Variants in ZNF696 observed in about 807,000 individuals in gnomAD.
ZNF696 encodes zinc finger protein 696.
Under a neutral mutation model 12.3 loss-of-function variants are expected in ZNF696, and 10 were observed. The observed-to-expected ratio is 0.81, with a 90% CI of 0.50 to 1.38. The LOEUF (loss-of-function observed/expected upper bound fraction) is 1.38, where lower values mean the gene tolerates loss of function less well. ZNF696 is among the 40% of genes most tolerant of loss of function. The probability of loss-of-function intolerance (pLI) is 0.00; values close to 1 mark genes in which losing one functional copy is unlikely to be tolerated. For missense variants in ZNF696, 675 were observed against 554.7 expected (o/e 1.22, Z -2.18); for synonymous variants, 304 against 243.9 (o/e 1.25, Z -2.29).
rs911517841 is a variant in ZNF696 at position 143,298,382 on chromosome 8, C to T, written c.*1582C>T. On this transcript the variant is annotated 3_prime_UTR_variant, in exon 3 of 3. Transcript: ENST00000330143. Reference sequence around the variant, plus strand: ...GGTGGCCCCACCGTTAATTAAGCTCCTGACCCCTGGGCCGGTGGTGAGGTG... The same window carrying T: ...GGTGGCCCCACCGTTAATTAAGCTCTTGACCCCTGGGCCGGTGGTGAGGTG... 5.3e-5 allele frequency among the ~76,000 whole-genome samples: 8 copies of T among 152,146 alleles called. No individual in the cohort carries two copies. Among genetic ancestry groups the T allele is most frequent in the African/African-American group, 1.9e-4 (8 of 41,430 alleles).
rs966843327 is a variant in ZNF696, at chr8:143,297,428, TCA to T, written c.*632_*633del. On this transcript the variant is annotated 3_prime_UTR_variant, in exon 3 of 3. Coordinates refer to ENST00000330143, the MANE Select transcript of ZNF696 (RefSeq NM_030895.3). ...ACTTTGGGAGGCCGAGGCGGGCGGA[TCA>T]CACGGTCAAGAGATCAAGACCATCC... The T allele has an allele frequency of 1.3e-5, 2 of 152,162 alleles. No homozygotes were observed. The highest frequency in any genetic ancestry group is 2.9e-5 in the Non-Finnish European group (2 of 68,030). The allele number at this position is 152,162 out of a possible 1,614,324, so 9.4% of individuals were successfully genotyped here. A position where few individuals can be genotyped will look rare whatever the true frequency, so the allele number is the denominator to read the frequency against.
At position 143,296,028 on chromosome 8, in the gene ZNF696, G is replaced by T. The variant is rs1340066777; in HGVS notation, c.353G>T (p.Gly118Val). The T allele has an allele frequency of 1.9e-6, 3 of 1,594,862 alleles. No individual in the cohort carries two copies. Among genetic ancestry groups the T allele is most frequent in the Admixed American group, 1.7e-5 (1 of 58,038 alleles). Reference sequence around the variant, plus strand: ...GCAGGCCCCGGCGCAGAGGGCGGGGGCAGCTGGAAGGGGCGGCCTTTCCCG... The same window carrying T: ...GCAGGCCCCGGCGCAGAGGGCGGGGTCAGCTGGAAGGGGCGGCCTTTCCCG... ...PNAGPGAEGG[G>V]SWKGRPFPCG... The change falls in exon 3 of 3, where the codon GGC becomes GTC. Residue 118 changes from glycine to valine, a missense_variant. Transcript: ENST00000330143.
At chr8:143,293,997 T>G (rs11136282) in intron 2 of ZNF696, among the ~76,000 whole-genome samples, 2 of 151,802 alleles carry the variant, frequency 1.3e-5, no homozygotes, top group East Asian at 3.9e-4. Flanking sequence ...GAGGTGCAGC[T>G]GGGACTCAGC....
chr8:143,298,378 G>A lies in ZNF696; in HGVS notation c.*1578G>A, dbSNP rs1164624765. Among the ~76,000 whole-genome samples, 1 of 152,152 alleles carries A rather than the reference G, an allele frequency of 6.6e-6. No individual in the cohort carries two copies. Among genetic ancestry groups the A allele is most frequent in the Non-Finnish European group, 1.5e-5 (1 of 68,010 alleles). On this transcript the variant is annotated 3_prime_UTR_variant, in exon 3 of 3. Coordinates refer to ENST00000330143, the MANE Select transcript of ZNF696 (RefSeq NM_030895.3). ...ATTTGGTGGCCCCACCGTTAATTAA[G>A]CTCCTGACCCCTGGGCCGGTGGTGA...
At chr8:143,294,475 G>C (rs1028337783) in intron 2 of ZNF696, among the ~76,000 whole-genome samples, 3 of 151,940 alleles carry the variant, frequency 2.0e-5, no homozygotes, top group African/African-American at 7.2e-5. Flanking sequence ...CCACCTCCTG[G>C]ATTCAAGTGA....
In ZNF696 at chr8:143,295,970, CAG is replaced by C. The variant is rs1815702200; in HGVS notation, c.298_299del (p.Ser100TrpfsTer399). 1 of 1,581,938 alleles carries C rather than the reference CAG, an allele frequency of 6.3e-7. No homozygotes were observed. The highest frequency in any genetic ancestry group is 8.6e-7 in the Non-Finnish European group (1 of 1,163,680). The part of the protein sequence containing the change: ...GPVTSEKTGG[Q>X]SGLESDVPPN... ...GGTCACTTCTGAGAAAACTGGAGGA[CAG>C]AGTGGCCTCGAGTCAGACGTCCCTC... On this transcript the variant is annotated frameshift_variant, in exon 3 of 3. Transcript: ENST00000330143. LOFTEE classifies it low-confidence loss of function (END_TRUNC).
chr8:143,296,220 CG>C lies in ZNF696; in HGVS notation c.546del (p.Cys183AlafsTer178). ...GCGCACAGCGGGGAGAGGCCCTACG[CG>C]TGCGCCGAGTGCGGCAAGGCCTTCG... Reference protein sequence around the residue: ...QRAHSGERPYACAECGKAFGQ... With the variant: ...QRAHSGERPYXCAECGKAFGQ... On this transcript the variant is annotated frameshift_variant, in exon 3 of 3. Transcript: ENST00000330143. LOFTEE classifies it high-confidence loss of function. 1 of 1,594,420 alleles carries C rather than the reference CG, an allele frequency of 6.3e-7. No homozygotes were observed. The highest frequency in any genetic ancestry group is 1.3e-5 in the African/African-American group (1 of 74,440).
intron 2 of ZNF696, chr8:143,295,271 C>T: frequency 2.2e-6 from 1 of 449,768 alleles, no homozygotes; most frequent in Non-Finnish European, 4.4e-6. Context: ...CGTTTCTGTC[C>T]CCTCCCCTCC....
chr8:143,291,611 G>T lies in ZNF696; in HGVS notation c.-187G>T, dbSNP rs1400554332. The T allele has an allele frequency of 1.0e-6, 1 of 985,452 alleles. No individual in the cohort carries two copies. Among genetic ancestry groups the T allele is most frequent in the Non-Finnish European group, 1.2e-6 (1 of 829,940 alleles). 61.0% of individuals were successfully genotyped at this position (985,452 alleles called of 1,614,324 possible). A position where few individuals can be genotyped will look rare whatever the true frequency, so the allele number is the denominator to read the frequency against. ...CGGCGTGGGGGAGGCGGCCCTGCAG[G>T]TGCGTACCCGGGGTCCGACACGTGC... is the stretch of plus-strand genomic sequence containing the variant. On this transcript the variant is annotated 5_prime_UTR_variant, in exon 1 of 3. Coordinates refer to ENST00000330143, the MANE Select transcript of ZNF696 (RefSeq NM_030895.3).
In ZNF696 at chr8:143,296,976, G is replaced by A; in HGVS notation, c.*176G>A. ...CGCCTTGGCTTGGGAGCAATCAGGA[G>A]AGACAGGGCTCGGGGAAGGCGAGCG... On this transcript the variant is annotated 3_prime_UTR_variant, in exon 3 of 3. Transcript: ENST00000330143. The A allele has an allele frequency of 1.7e-6, 1 of 594,856 alleles. No homozygotes were observed. Among genetic ancestry groups the A allele is most frequent in the Non-Finnish European group, 2.6e-6 (1 of 383,572 alleles). The allele number at this position is 594,856 out of a possible 1,614,324, so 36.8% of individuals were successfully genotyped here. A position where few individuals can be genotyped will look rare whatever the true frequency, so the allele number is the denominator to read the frequency against.
rs2129738931 is a variant in ZNF696, at chr8:143,296,067, G to A, written c.392G>A (p.Gly131Asp). 3.1e-6 allele frequency: 5 copies of A among 1,595,504 alleles called. No homozygotes were observed. The highest frequency in any genetic ancestry group is 2.3e-5 in the East Asian group (1 of 44,256). ...KGRPFPCGAC[G>D]RSFKCSSDAA... is the part of the protein sequence containing the mutation. ...CGGCCTTTCCCGTGCGGCGCCTGTG[G>A]CCGCAGCTTCAAGTGCTCCTCGGAC... is the stretch of plus-strand genomic sequence containing the variant. Residue 131 changes from glycine to aspartate, a missense_variant, in exon 3 of 3, where the codon GGC becomes GAC. Coordinates refer to ENST00000330143, the MANE Select transcript of ZNF696 (RefSeq NM_030895.3).
rs190238851 is a variant in ZNF696 at position 143,296,949 on chromosome 8, T to C, written c.*149T>C. ...TTGCGAAAGCCTCGCCAGGCCTGCA[T>C]CCGCCTTGGCTTGGGAGCAATCAGG... On this transcript the variant is annotated 3_prime_UTR_variant, in exon 3 of 3. Transcript: ENST00000330143. 4.5e-5 allele frequency: 33 copies of C among 741,348 alleles called. No homozygotes were observed. In the African/African-American group the frequency reaches 5.6e-4, roughly 13 times the overall value. The allele number at this position is 741,348 out of a possible 1,614,324, so 45.9% of individuals were successfully genotyped here.
chr8:143,294,009 G>A (rs1012987768), intron 2 of ZNF696, among the ~76,000 whole-genome samples: 9 of 151,932 alleles, frequency 5.9e-5, no homozygotes, highest in East Asian at 1.9e-4. Flanking sequence ...GGACTCAGCC[G>A]CTTCTCCTCT....
chr8:143,296,385 A>G lies in ZNF696; in HGVS notation c.710A>G (p.Tyr237Cys). The change falls in exon 3 of 3, where the codon TAC becomes TGC. Residue 237 changes from tyrosine (Y) to cysteine (C), a missense_variant. Tyr to Cys is a radical substitution (Grantham distance 194). Coordinates refer to ENST00000330143, the MANE Select transcript of ZNF696 (RefSeq NM_030895.3). ...CGCACCCACACCGGGGAGAGGCTGTACGCGTGCGGCGAGTGCGGGAAGCGC... is the reference window on the plus strand; with the variant it reads ...CGCACCCACACCGGGGAGAGGCTGTGCGCGTGCGGCGAGTGCGGGAAGCGC... ...HRRTHTGERL[Y>C]ACGECGKRFL... is the part of the protein sequence containing the mutation. 1 of 1,595,146 alleles carries G rather than the reference A, an allele frequency of 6.3e-7. No individual in the cohort carries two copies. Among genetic ancestry groups the G allele is most frequent in the Non-Finnish European group, 8.5e-7 (1 of 1,173,634 alleles).
intron 2 of ZNF696, chr8:143,293,369 C>T (rs747768610): frequency 1.9e-6 from 1 of 524,808 alleles, no homozygotes; most frequent in Middle Eastern, 4.9e-4. Flanking sequence ...ATGGACGAGT[C>T]TTTGTTGAGG....
At chr8:143,292,216 T>C (rs1198723900) in intron 1 of ZNF696, 3 of 152,242 alleles carry the variant, frequency 2.0e-5, no homozygotes, top group Non-Finnish European at 4.4e-5. Context: ...CCTGAGCCTT[T>C]TGAAGTGCTA....
intron 1 of ZNF696, 53 bp from the exon 2 acceptor site, chr8:143,292,919 C>G: frequency 6.6e-7 from 1 of 1,505,048 alleles, no homozygotes; most frequent in Non-Finnish European, 9.0e-7. Context: ...TGCCCCTGGC[C>G]CCTGTACCTA....
Position 143,291,838 on chromosome 8 carries a change from C to A in ZNF696, c.-31+71C>A, listed in dbSNP as rs1402721241. ...TTAAATTACCTTTTTGTAAAAGCGGCGGGGTCTCGCTATGTTTCCCAGGCT... is the reference window on the plus strand; with the variant it reads ...TTAAATTACCTTTTTGTAAAAGCGGAGGGGTCTCGCTATGTTTCCCAGGCT... On this transcript the variant is annotated intron_variant, in intron 1 of 2. Coordinates refer to ENST00000330143, the MANE Select transcript of ZNF696 (RefSeq NM_030895.3). 5 of 966,444 alleles carry A rather than the reference C, an allele frequency of 5.2e-6. No individual in the cohort carries two copies. In the African/African-American group the frequency reaches 8.8e-5, roughly 17 times the overall value. 59.9% of individuals were successfully genotyped at this position (966,444 alleles called of 1,614,324 possible).
Position 143,298,368 on chromosome 8 carries a change from C to T in ZNF696, c.*1568C>T, listed in dbSNP as rs550729451. On this transcript the variant is annotated 3_prime_UTR_variant, in exon 3 of 3. Transcript: ENST00000330143. Reference sequence around the variant, plus strand: ...CTCAGAATGGATTTGGTGGCCCCACCGTTAATTAAGCTCCTGACCCCTGGG... The same window carrying T: ...CTCAGAATGGATTTGGTGGCCCCACTGTTAATTAAGCTCCTGACCCCTGGG... 2.6e-4 allele frequency among the ~76,000 whole-genome samples: 39 copies of T among 152,232 alleles called. 1 individual carries two copies. The highest frequency in any genetic ancestry group is 2.0e-3 in the Admixed American group (31 of 15,298).
Sources: allele counts gnomAD v4.1 joint callset (sites outside exome capture counted in the v4.1 genomes callset), GRCh38; gene constraint gnomAD v4.1.1; transcripts MANE v1.5; gene names NCBI Gene and HGNC (gene_info 2026-07-23, HGNC 2026-07-21).